BMPR1B: variants seen among roughly 807,000 people sequenced by gnomAD.
BMPR1B encodes bone morphogenetic protein receptor type 1B.
A neutral mutation model predicts 59.1 loss-of-function variants in BMPR1B; 12 were observed. The observed-to-expected ratio is 0.20, with a 90% CI of 0.13 to 0.33. BMPR1B has a LOEUF of 0.33. BMPR1B is among the 10% of genes least tolerant of loss of function. The pLI is 1.00. For synonymous variants in BMPR1B, 237 were observed against 207.3 expected, an observed-to-expected ratio of 1.14 and a Z score of -1.23; for missense variants, 550 against 610.9, an observed-to-expected ratio of 0.90 and a Z score of 1.05.
chr4:94,976,091 A>C lies in BMPR1B; in HGVS notation c.-112-19949A>C, dbSNP rs550006150. Among the ~76,000 whole-genome samples, 34 of 152,344 alleles carry C rather than the reference A, an allele frequency of 2.2e-4. 2 individuals carry two copies. The South Asian group carries it at 6.8e-3, about 31-fold the overall frequency. Reference sequence around the variant, plus strand: ...TAGAGTTGGAATAGCAAGTGGCTGAAGTAGCTGGGGCTAGTCAGACACTTC... The same window carrying C: ...TAGAGTTGGAATAGCAAGTGGCTGACGTAGCTGGGGCTAGTCAGACACTTC... On this transcript the variant is annotated intron_variant, in intron 2 of 12. Coordinates refer to ENST00000515059, the MANE Select transcript of BMPR1B (RefSeq NM_001203.3).
chr4:95,061,201 ACACACACAC>A (rs1560624853), intron 3 of BMPR1B, among the ~76,000 whole-genome samples: 77 of 112,850 alleles, frequency 6.8e-4, no homozygotes, highest in African/African-American at 2.4e-3. Context: ...ACACACACAC[ACACACACAC>A]CACACACCCC....
chr4:94,823,673 A>G (rs1295314273), intron 1 of BMPR1B, among the ~76,000 whole-genome samples: 2 of 152,286 alleles, frequency 1.3e-5, no homozygotes, highest in East Asian at 3.9e-4. Flanking sequence ...TGACTGAGAT[A>G]TGGAATAGAG....
At chr4:95,068,704 T>C (rs1314278149) in intron 3 of BMPR1B, among the ~76,000 whole-genome samples, 1 of 152,190 alleles carries the variant, frequency 6.6e-6, no homozygotes, top group Non-Finnish European at 1.5e-5. Context: ...GAGATTGAAC[T>C]AGATAACTTA....
At chr4:94,956,172 G>A (rs1240728738) in intron 2 of BMPR1B, among the ~76,000 whole-genome samples, 1 of 151,892 alleles carries the variant, frequency 6.6e-6, no homozygotes, top group Non-Finnish European at 1.5e-5. Context: ...TTCTTTCTAC[G>A]TATTTAAAGA....
intron 2 of BMPR1B, among the ~76,000 whole-genome samples, chr4:94,934,869 G>T (rs1729230799): frequency 6.6e-6 from 1 of 151,924 alleles, no homozygotes; most frequent in African/African-American, 2.4e-5. Flanking sequence ...AGTACCAAAT[G>T]AAACTTTCAC....
chr4:94,947,857 C>T (rs1729778769), intron 2 of BMPR1B, among the ~76,000 whole-genome samples: 3 of 152,228 alleles, frequency 2.0e-5, no homozygotes, highest in African/African-American at 7.2e-5. Flanking sequence ...CTGTTCATGG[C>T]CTTACATTTA....
chr4:94,770,901 A>C lies in BMPR1B; in HGVS notation c.-183+12833A>C, dbSNP rs958845961. The stretch of plus-strand genomic sequence containing the variant: ...TGATTAGCCCTGCAAAAAAAAAAAA[A>C]AAAAAAAATGAAAAGCTAGACCCCC... On this transcript the variant is annotated intron_variant, in intron 1 of 12. Coordinates refer to ENST00000515059, the MANE Select transcript of BMPR1B (RefSeq NM_001203.3). 4.2e-3 allele frequency among the ~76,000 whole-genome samples: 639 copies of C among 152,000 alleles called. 6 individuals are homozygous for C. Among genetic ancestry groups the C allele is most frequent in the African/African-American group, 0.015 (618 of 41,446 alleles).
intron 2 of BMPR1B, among the ~76,000 whole-genome samples, chr4:94,993,561 A>C (rs1267158810): frequency 2.6e-5 from 4 of 151,942 alleles, no homozygotes; most frequent in African/African-American, 9.7e-5. Flanking sequence ...GGAGTTTGAG[A>C]CCAGCCTGGC....
intron 1 of BMPR1B, among the ~76,000 whole-genome samples, chr4:94,846,206 T>C (rs560038021): frequency 1.3e-5 from 2 of 152,186 alleles, no homozygotes; most frequent in South Asian, 4.2e-4. Context: ...AGAACACACA[T>C]TGGGGAAAAG....
intron 3 of BMPR1B, among the ~76,000 whole-genome samples, chr4:95,004,000 G>C (rs984774577): frequency 6.6e-6 from 1 of 151,544 alleles, no homozygotes; most frequent in Non-Finnish European, 1.5e-5. Flanking sequence ...TAGAGATAGG[G>C]TTTCACTATG....
At chr4:94,885,689 A>G (rs1270073323) in intron 2 of BMPR1B, among the ~76,000 whole-genome samples, 1 of 152,290 alleles carries the variant, frequency 6.6e-6, no homozygotes, top group Admixed American at 6.5e-5. Flanking sequence ...AAATATTTTG[A>G]AAAAAATCAT....
At chr4:95,151,184 G>T (rs1046018202) in intron 11 of BMPR1B, among the ~76,000 whole-genome samples, 1 of 152,174 alleles carries the variant, frequency 6.6e-6, no homozygotes, top group Non-Finnish European at 1.5e-5. Flanking sequence ...CAGCTAACAG[G>T]AAATTTTGAA....
intron 10 of BMPR1B, among the ~76,000 whole-genome samples, chr4:95,134,674 A>G (rs1044539169): frequency 1.5e-4 from 23 of 152,086 alleles, no homozygotes; most frequent in Non-Finnish European, 2.8e-4. Flanking sequence ...TTCTTTTGAG[A>G]AGTGTCTGTT....
chr4:94,904,650 C>A (rs1210146195), intron 2 of BMPR1B, among the ~76,000 whole-genome samples: 1 of 151,958 alleles, frequency 6.6e-6, no homozygotes, highest in Admixed American at 6.6e-5. Context: ...ATGTGCTAAT[C>A]AATGATGAGC....
chr4:94,897,759 A>G (rs1354881986), intron 2 of BMPR1B, among the ~76,000 whole-genome samples: 1 of 151,802 alleles, frequency 6.6e-6, no homozygotes, highest in Non-Finnish European at 1.5e-5. Flanking sequence ...CTATACTTGG[A>G]TGTTTAGATT....
chr4:95,022,037 A>T (rs552976265), intron 3 of BMPR1B, among the ~76,000 whole-genome samples: 1 of 152,146 alleles, frequency 6.6e-6, no homozygotes, highest in Non-Finnish European at 1.5e-5. Flanking sequence ...TTTTTGGGAG[A>T]GAAGAAATAG....
intron 1 of BMPR1B, among the ~76,000 whole-genome samples, chr4:94,846,354 G>A (rs1224793826): frequency 6.6e-6 from 1 of 152,172 alleles, no homozygotes; most frequent in Non-Finnish European, 1.5e-5. Context: ...AGGATACAAG[G>A]TATTGATCCT....
chr4:95,063,959 G>A (rs967216119), intron 3 of BMPR1B, among the ~76,000 whole-genome samples: 1 of 152,072 alleles, frequency 6.6e-6, no homozygotes, highest in Admixed American at 6.6e-5. Flanking sequence ...TCAGCAGATT[G>A]GCAAAATAAT....
In BMPR1B at chr4:95,096,288, A is replaced by G. The variant is rs149416568; in HGVS notation, c.-17-8120A>G. On this transcript the variant is annotated intron_variant, in intron 3 of 12. Transcript: ENST00000515059. ...ATAGAAAACATGTACATAGCTAAAA[A>G]CATGTATATAACTGCAATATATTTT... is the stretch of plus-strand genomic sequence containing the variant. 3.3e-3 allele frequency among the ~76,000 whole-genome samples: 500 copies of G among 151,834 alleles called. 2 individuals are homozygous for G. The highest frequency in any genetic ancestry group is 0.011 in the African/African-American group (468 of 41,522).
Sources: gnomAD v4.1 joint callset for allele counts (sites outside exome capture counted in the v4.1 genomes callset) on GRCh38, gnomAD v4.1.1 for gene constraint, MANE v1.5 for transcripts, NCBI Gene and HGNC (gene_info 2026-07-23, HGNC 2026-07-21) for gene names.